CACHD1: variants seen among roughly 807,000 people sequenced by gnomAD.
The protein encoded by CACHD1 is cache domain containing 1.
A neutral mutation model predicts 138.7 loss-of-function variants in CACHD1; 71 were observed. That is an observed-to-expected ratio of 0.51 (90% CI 0.42 to 0.62). The LOEUF is 0.62. CACHD1 is among the 20% of genes least tolerant of loss of function. The pLI is 0.00. For synonymous variants in CACHD1, 578 were observed against 591.5 expected (o/e 0.98, Z 0.33); for missense variants, 1,389 against 1,625.3 (o/e 0.85, Z 2.50).
intron 3 of CACHD1, among the ~76,000 whole-genome samples, chr1:64,596,762 G>A (rs1647156240): frequency 6.6e-6 from 1 of 152,098 alleles, no homozygotes; most frequent in Admixed American, 6.5e-5. Context: ...TTAAAAACAA[G>A]CAAACAAGTA....
intron 1 of CACHD1, among the ~76,000 whole-genome samples, chr1:64,536,481 T>C (rs1458239736): frequency 1.3e-5 from 2 of 152,200 alleles, no homozygotes; most frequent in Non-Finnish European, 2.9e-5. Context: ...CCAACTGGCA[T>C]TGAGGGGTAA....
At chr1:64,571,920 C>T (rs1488622383) in intron 2 of CACHD1, among the ~76,000 whole-genome samples, 1 of 152,152 alleles carries the variant, frequency 6.6e-6, no homozygotes, top group Non-Finnish European at 1.5e-5. Flanking sequence ...CTGACCTATC[C>T]ATCCCCATTG....
chr1:64,663,718 G>C lies in CACHD1; in HGVS notation c.1975G>C (p.Ala659Pro). Reference protein sequence around the residue: ...TLESPTIMLSAGSFSSPYEHL... With the variant: ...TLESPTIMLSPGSFSSPYEHL... ...AGAAAGTCCCACCATCATGCTGTCTGCTGGCAGCTTTTCCTCCCCCTATGA... is the reference window on the plus strand; with the variant it reads ...AGAAAGTCCCACCATCATGCTGTCTCCTGGCAGCTTTTCCTCCCCCTATGA... Residue 659 changes from alanine to proline, a missense_variant, in exon 14 of 27, where the codon GCT becomes CCT. This residue lies in a region of CACHD1 where 1,000 missense variants were observed against 1,114.7 expected (regional missense o/e 0.90). Transcript: ENST00000651257. The C allele has an allele frequency of 6.2e-7, 1 of 1,614,072 alleles. No homozygotes were observed. The highest frequency in any genetic ancestry group is 8.5e-7 in the Non-Finnish European group (1 of 1,180,014).
At chr1:64,500,487 A>G (rs1461846980) in intron 1 of CACHD1, among the ~76,000 whole-genome samples, 1 of 152,144 alleles carries the variant, frequency 6.6e-6, no homozygotes, top group Non-Finnish European at 1.5e-5. Flanking sequence ...GGGCATGCAA[A>G]CAAAACAAAT....
chr1:64,640,741 T>TTATATATATA (rs67605354), intron 7 of CACHD1, among the ~76,000 whole-genome samples: 1 of 149,310 alleles, frequency 6.7e-6, no homozygotes. Flanking sequence ...ACTCTCAACA[T>TTATATATATA]TATATATATA....
intron 1 of CACHD1, among the ~76,000 whole-genome samples, chr1:64,547,352 A>C (rs1431909794): frequency 6.6e-6 from 1 of 152,010 alleles, no homozygotes; most frequent in Non-Finnish European, 1.5e-5. Flanking sequence ...ATAAGCCTGA[A>C]CTTTTTTGTT....
At position 64,590,898 on chromosome 1, in the gene CACHD1, G is replaced by A. The variant is rs190256377; in HGVS notation, c.410+8594G>A. Reference sequence around the variant, plus strand: ...CCACTTTGCCATGTAATCTTGGGACGTTCACTTAACATCTTTGGTCCTCAG... The same window carrying A: ...CCACTTTGCCATGTAATCTTGGGACATTCACTTAACATCTTTGGTCCTCAG... On this transcript the variant is annotated intron_variant, in intron 3 of 26. Coordinates refer to ENST00000651257, the MANE Select transcript of CACHD1 (RefSeq NM_020925.4). 2.2e-4 allele frequency among the ~76,000 whole-genome samples: 33 copies of A among 152,274 alleles called. 1 individual carries two copies. The highest frequency in any genetic ancestry group is 9.2e-4 in the Admixed American group (14 of 15,294).
chr1:64,598,959 A>G (rs376690228), intron 3 of CACHD1, among the ~76,000 whole-genome samples: 1 of 149,786 alleles, frequency 6.7e-6, no homozygotes, highest in East Asian at 1.9e-4. Flanking sequence ...TATTAATATC[A>G]TTGCCTTTGG....
rs138742663 is a variant in CACHD1 at position 64,619,020 on chromosome 1, A to T, written c.518-10335A>T. On this transcript the variant is annotated intron_variant, in intron 4 of 26. Coordinates refer to ENST00000651257, the MANE Select transcript of CACHD1 (RefSeq NM_020925.4). ...ATTGTTGAGAAAAACAGAAGTCGCA[A>T]CCCAACAAAAATCCATCTTTTTCCC... Among the ~76,000 whole-genome samples the T allele has an allele frequency of 1.6e-3, 239 of 152,270 alleles. 3 individuals are homozygous for T. The highest frequency in any genetic ancestry group is 5.4e-3 in the African/African-American group (226 of 41,552).
chr1:64,685,935 C>T (rs1396352810), intron 26 of CACHD1, among the ~76,000 whole-genome samples: 1 of 152,002 alleles, frequency 6.6e-6, no homozygotes, highest in Non-Finnish European at 1.5e-5. Flanking sequence ...TCAGGGTTGA[C>T]CTCCCTACCT....
intron 12 of CACHD1, 40 bp downstream of exon 12, chr1:64,654,843 G>A (rs1303270656): frequency 7.1e-7 from 1 of 1,408,026 alleles, no homozygotes; most frequent in Non-Finnish European, 1.0e-6. Context: ...AGAGCTACAG[G>A]GTACAGTGCT....
At chr1:64,479,377 G>A (rs1396383270) in intron 1 of CACHD1, among the ~76,000 whole-genome samples, 1 of 152,164 alleles carries the variant, frequency 6.6e-6, no homozygotes, top group Admixed American at 6.5e-5. Flanking sequence ...GGGCACAGAG[G>A]GATTCTGGCA....
chr1:64,675,850 A>G, intron 20 of CACHD1, 47 bp from the exon 21 acceptor site: 2 of 1,219,094 alleles, frequency 1.6e-6, no homozygotes, highest in Admixed American at 2.3e-5. Flanking sequence ...TACAACTTAC[A>G]GTTTGCCATT....
Position 64,664,479 on chromosome 1 carries a change from G to A in CACHD1, c.2095-19G>A. The A allele has an allele frequency of 1.2e-6, 2 of 1,612,952 alleles. No individual in the cohort carries two copies. The highest frequency in any genetic ancestry group is 1.7e-6 in the Non-Finnish European group (2 of 1,179,054). On this transcript the variant is annotated intron_variant, in intron 14 of 26. Transcript: ENST00000651257. ...GTGAGTTTTAAAGGATCCCTGCTAT[G>A]TCTTCCTTTGTTTCCCAGTTCTCTG...
intron 2 of CACHD1, among the ~76,000 whole-genome samples, chr1:64,580,411 G>A (rs1467003792): frequency 6.6e-6 from 1 of 152,062 alleles, no homozygotes; most frequent in Non-Finnish European, 1.5e-5. Context: ...ATTTATCCAT[G>A]TAACAAATGT....
intron 16 of CACHD1, among the ~76,000 whole-genome samples, chr1:64,668,727 G>A (rs762068592): frequency 1.6e-4 from 25 of 152,190 alleles, no homozygotes; most frequent in Non-Finnish European, 2.9e-4. Context: ...GCACCTGGTC[G>A]TTTGAATATT....
chr1:64,681,138 G>A, intron 24 of CACHD1, 120 bp from the exon 25 acceptor site: 1 of 647,456 alleles, frequency 1.5e-6, no homozygotes, highest in Non-Finnish European at 2.7e-6. Context: ...CTTCTAAGAT[G>A]GGATTCATTC....
At chr1:64,658,601 C>A in intron 12 of CACHD1, 104 bp from the exon 13 acceptor site, 1 of 735,640 alleles carries the variant, frequency 1.4e-6, no homozygotes. Context: ...ATACCTTCCA[C>A]GTGAAGATAG....
intron 1 of CACHD1, among the ~76,000 whole-genome samples, chr1:64,535,794 C>T (rs1036354250): frequency 2.0e-5 from 3 of 152,160 alleles, no homozygotes; most frequent in African/African-American, 7.2e-5. Context: ...CTTACACATG[C>T]TGACCTCCCC....
Sources: gnomAD v4.1 joint callset for allele counts (sites outside exome capture counted in the v4.1 genomes callset) on GRCh38, gnomAD v4.1.1 for gene constraint, gnomAD v4.1.1 regional missense constraint, MANE v1.5 for transcripts, NCBI Gene and HGNC (gene_info 2026-07-23, HGNC 2026-07-21) for gene names.